The following ATRN variants were observed in gnomAD, a reference collection of about 807,000 sequenced individuals.
The protein encoded by ATRN is attractin-2.
A neutral mutation model predicts 178.7 loss-of-function variants in ATRN; 54 were observed. The observed-to-expected ratio is 0.30, with a 90% confidence interval of 0.24 to 0.38. The LOEUF (loss-of-function observed/expected upper bound fraction) is 0.38. Ranked by LOEUF, ATRN falls within the 10% of genes least tolerant of loss-of-function variation. ATRN has a pLI of 1.00. For synonymous variants in ATRN, 636 were observed against 663.0 expected, an observed-to-expected ratio of 0.96 and a Z score of 0.63; for missense variants, 1,443 against 1,815.1, an observed-to-expected ratio of 0.79 and a Z score of 3.73.
chr20:3,490,975 A>G, intron 1 of ATRN: 1 of 1,538,318 alleles, frequency 6.5e-7, no homozygotes. Context: ...TCCTCATGAT[A>G]GCGCCGCTGC....
chr20:3,507,832 G>A (rs1053471992), intron 1 of ATRN, among the ~76,000 whole-genome samples: 1 of 150,984 alleles, frequency 6.6e-6, no homozygotes, highest in Admixed American at 6.6e-5. Context: ...CTACAGGCGC[G>A]CCACCACGCT....
intron 1 of ATRN, among the ~76,000 whole-genome samples, chr20:3,508,139 A>G (rs1203922213): frequency 6.6e-6 from 1 of 151,952 alleles, no homozygotes; most frequent in Non-Finnish European, 1.5e-5. Context: ...CCTTGAGCCC[A>G]GGAGTTTTGA....
intron 1 of ATRN, among the ~76,000 whole-genome samples, chr20:3,472,342 A>G (rs1599985303): frequency 7.1e-6 from 1 of 140,464 alleles, no homozygotes; most frequent in East Asian, 2.0e-4. Context: ...ATATAGCAAG[A>G]GAAAGATAAT....
intron 6 of ATRN, among the ~76,000 whole-genome samples, chr20:3,551,158 C>G (rs1159586084): frequency 6.6e-6 from 1 of 152,150 alleles, no homozygotes; most frequent in Non-Finnish European, 1.5e-5. Context: ...GCTGTCTTAC[C>G]CAGGAACACC....
intron 26 of ATRN, among the ~76,000 whole-genome samples, chr20:3,636,684 T>C (rs151087186): frequency 4.9e-4 from 75 of 152,312 alleles, no homozygotes; most frequent in African/African-American, 1.7e-3. Context: ...GTATTGTCCC[T>C]CGTTATGTTT....
intron 6 of ATRN, among the ~76,000 whole-genome samples, chr20:3,554,054 T>C (rs976441286): frequency 3.9e-5 from 6 of 152,206 alleles, no homozygotes; most frequent in African/African-American, 9.6e-5. Flanking sequence ...GAGTAAATGA[T>C]TTATTTCCTT....
At chr20:3,589,620 C>T (rs553580608) in intron 18 of ATRN, among the ~76,000 whole-genome samples, 59 of 152,120 alleles carry the variant, frequency 3.9e-4, no homozygotes, top group African/African-American at 1.4e-3. Flanking sequence ...ACTGGTTAAT[C>T]CTCAAGGTTA....
At chr20:3,630,436 G>A (rs1171883022) in intron 25 of ATRN, among the ~76,000 whole-genome samples, 1 of 152,158 alleles carries the variant, frequency 6.6e-6, no homozygotes, top group Admixed American at 6.5e-5. Context: ...TTCAGGGTAA[G>A]TGCAGAGTGA....
At chr20:3,631,184 A>G (rs2086987283) in intron 25 of ATRN, among the ~76,000 whole-genome samples, 1 of 151,908 alleles carries the variant, frequency 6.6e-6, no homozygotes, top group African/African-American at 2.4e-5. Context: ...TTCTGGCCTC[A>G]AGCAGTCCTC....
At chr20:3,520,285 G>A (rs1225349412) in intron 1 of ATRN, among the ~76,000 whole-genome samples, 1 of 152,088 alleles carries the variant, frequency 6.6e-6, no homozygotes, top group Non-Finnish European at 1.5e-5. Flanking sequence ...ATGTATCTTA[G>A]GAGTCTCATT....
chr20:3,646,696 A>T, intron 28 of ATRN, 27 bp from the exon 29 acceptor site: 1 of 1,573,246 alleles, frequency 6.4e-7, no homozygotes, highest in Non-Finnish European at 8.6e-7. Flanking sequence ...TGCTCCCAGC[A>T]TATGTTCTCT....
At chr20:3,523,912 A>C (rs1450239244) in intron 1 of ATRN, among the ~76,000 whole-genome samples, 1 of 152,214 alleles carries the variant, frequency 6.6e-6, no homozygotes, top group African/African-American at 2.4e-5. Context: ...GAGCTCCTGA[A>C]GGAAGCTCTA....
chr20:3,501,761 G>A (rs1053890950), intron 1 of ATRN, among the ~76,000 whole-genome samples: 86 of 152,260 alleles, frequency 5.6e-4, no homozygotes, highest in African/African-American at 2.0e-3. Context: ...TGAGATGTGC[G>A]GCTAAGAGAT....
chr20:3,501,835 C>CG (rs34078430), intron 1 of ATRN, among the ~76,000 whole-genome samples: 1 of 152,062 alleles, frequency 6.6e-6, no homozygotes, highest in East Asian at 1.9e-4. Context: ...TATGCAGCAT[C>CG]GGGGGACACA....
intron 1 of ATRN, among the ~76,000 whole-genome samples, chr20:3,485,684 C>T (rs1386462734): frequency 2.4e-5 from 3 of 124,590 alleles, no homozygotes; most frequent in African/African-American, 6.0e-5. Context: ...TGCAATGGTG[C>T]GATCTTGGCT....
At chr20:3,578,482 T>C (rs1337336673) in intron 14 of ATRN, 100 bp from the exon 15 acceptor site, 3 of 1,096,436 alleles carry the variant, frequency 2.7e-6, no homozygotes, top group Non-Finnish European at 3.8e-6. Context: ...AGAATTTAAA[T>C]TAGAAAGGCC....
Position 3,547,363 on chromosome 20 carries a change from T to C in ATRN, c.817T>C (p.Cys273Arg), listed in dbSNP as rs765010172. 3.7e-6 allele frequency: 6 copies of C among 1,614,106 alleles called. No homozygotes were observed. Among genetic ancestry groups the C allele is most frequent in the Non-Finnish European group, 3.4e-6 (4 of 1,179,936 alleles). ...TAGCAGCGATACTGTTGAATGTGAA[T>C]GTTCTGAAAACTGGAAAGGTGAAGC... ...SNSSDTVECE[C>R]SENWKGEACD... The change falls in exon 5 of 29, where the codon TGT (cysteine) becomes CGT (arginine). Residue 273 changes from cysteine to arginine, a missense_variant. Coordinates refer to ENST00000262919, the MANE Select transcript of ATRN (RefSeq NM_139321.3).
In ATRN at chr20:3,576,844, T is replaced by A; in HGVS notation, c.2215-15T>A. 2.5e-6 allele frequency: 4 copies of A among 1,613,128 alleles called. No individual in the cohort carries two copies. The highest frequency in any genetic ancestry group is 3.4e-6 in the Non-Finnish European group (4 of 1,179,368). On this transcript the variant is annotated splice_polypyrimidine_tract_variant and intron_variant, in intron 13 of 28. Transcript: ENST00000262919. ...TGTGGATACAAAAGAAAAGCTTTTG[T>A]CCACTGTGTTCTAGATCTCCATTTT...
At chr20:3,572,191 C>T (rs1404098936) in intron 11 of ATRN, among the ~76,000 whole-genome samples, 1 of 152,044 alleles carries the variant, frequency 6.6e-6, no homozygotes, top group East Asian at 1.9e-4. Flanking sequence ...GAGGCTTTTA[C>T]CTGTGCTTTA....
Sources: allele counts gnomAD v4.1 joint callset (sites outside exome capture counted in the v4.1 genomes callset), GRCh38; gene constraint gnomAD v4.1.1; transcripts MANE v1.5; gene names NCBI Gene and HGNC (gene_info 2026-07-23, HGNC 2026-07-21).